Variants in MFN2 observed in about 807,000 individuals in gnomAD.
The protein encoded by MFN2 is mitofusin 2.
A neutral mutation model predicts 87.5 loss-of-function variants in MFN2; 43 were observed. That is an observed-to-expected ratio of 0.49 (90% CI 0.38 to 0.63). The LOEUF is 0.63. Ranked by LOEUF, MFN2 falls within the 30% of genes least tolerant of loss-of-function variation. The pLI is 0.00. For synonymous variants in MFN2, 337 were observed against 359.9 expected, an observed-to-expected ratio of 0.94 and a Z score of 0.72; for missense variants, 743 against 972.8, an observed-to-expected ratio of 0.76 and a Z score of 3.14.
At chr1:12,006,410 C>CT in intron 15 of MFN2, 128 bp from the exon 16 acceptor site, 1 of 1,264,476 alleles carries the variant, frequency 7.9e-7, no homozygotes, top group South Asian at 1.3e-5. Context: ...TAGTTGTCCC[C>CT]TTTTTGCCTT....
chr1:12,009,891 C>T (rs1051481062), intron 18 of MFN2, among the ~76,000 whole-genome samples, 165 bp downstream of exon 18: 2 of 152,168 alleles, frequency 1.3e-5, no homozygotes, highest in Non-Finnish European at 2.9e-5. Flanking sequence ...CGGTGGCTGA[C>T]GCCTATAATC....
In MFN2 at chr1:12,004,716, C is replaced by A; in HGVS notation, c.1392+103C>A. 1 of 1,495,554 alleles carries A rather than the reference C, an allele frequency of 6.7e-7. No homozygotes were observed. Among genetic ancestry groups the A allele is most frequent in the Non-Finnish European group, 9.3e-7 (1 of 1,074,572 alleles). The allele number at this position is 1,495,554 out of a possible 1,614,324, so 92.6% of individuals were successfully genotyped here. ...CCCCCAGCAGTGACAGTAGAAGCCA[C>A]AGAGACAAGGCCCAGGCTTCCGTCA... is the stretch of plus-strand genomic sequence containing the variant. On this transcript the variant is annotated intron_variant, in intron 13 of 18. Transcript: ENST00000235329. This position sits in a 1 kb window ranked among gnomAD's most constrained non-coding sequence, Gnocchi z 4.2.
At chr1:11,996,694 T>C (rs1394405597) in intron 5 of MFN2, among the ~76,000 whole-genome samples, 2 of 152,304 alleles carry the variant, frequency 1.3e-5, no homozygotes, top group Non-Finnish European at 2.9e-5. Flanking sequence ...CTGAGTTTTC[T>C]GAGAGGCAGC....
intron 6 of MFN2, 139 bp downstream of exon 6, chr1:11,997,560 T>C (rs1638967019): frequency 8.5e-7 from 1 of 1,179,090 alleles, no homozygotes; most frequent in Middle Eastern, 2.1e-4. Context: ...CTCAACCAAA[T>C]CCTCTGGCCT....
rs778905813 is a variant in MFN2 at position 12,004,562 on chromosome 1, T to C, written c.1341T>C (p.Asp447=). The stretch of plus-strand genomic sequence containing the variant: ...GGCGCCTCTCTGTACTGGTGGACGA[T>C]TACCAGATGGACTTCCACCCTTCTC... ...EIRRLSVLVD[D]YQMDFHPSPV... is the part of the protein sequence containing the mutation. The change falls in exon 13 of 19, where the codon GAT becomes GAC. Residue 447 remains aspartate (D), a synonymous_variant. Transcript: ENST00000235329. The surrounding 1 kb of genome is among the most constrained non-coding windows in gnomAD (Gnocchi z 4.2). The C allele has an allele frequency of 6.2e-7, 1 of 1,614,158 alleles. No homozygotes were observed. The highest frequency in any genetic ancestry group is 8.5e-7 in the Non-Finnish European group (1 of 1,180,032).
chr1:11,996,364 C>T, intron 5 of MFN2, 46 bp downstream of exon 5: 1 of 1,611,322 alleles, frequency 6.2e-7, no homozygotes, highest in Non-Finnish European at 8.5e-7. Flanking sequence ...GCTGGGGGAG[C>T]AAGTCCTCCG....
intron 18 of MFN2, 43 bp from the exon 19 acceptor site, chr1:12,011,453 T>A: frequency 6.2e-7 from 1 of 1,607,702 alleles, no homozygotes; most frequent in Non-Finnish European, 8.5e-7. Flanking sequence ...TAATACTGCC[T>A]ATCATCAGCT....
chr1:12,011,474 C>A (rs372959906), intron 18 of MFN2, 22 bp from the exon 19 acceptor site: 2 of 1,613,572 alleles, frequency 1.2e-6, no homozygotes, highest in Non-Finnish European at 1.7e-6. Flanking sequence ...ATCATGGTTA[C>A]AAAAGAACCA....
chr1:11,995,131 T>C (rs916208758), intron 4 of MFN2, among the ~76,000 whole-genome samples: 4 of 151,906 alleles, frequency 2.6e-5, no homozygotes, highest in African/African-American at 7.3e-5. Flanking sequence ...TATATATAGG[T>C]GGTACCTATA....
intron 17 of MFN2, among the ~76,000 whole-genome samples, chr1:12,007,662 CT>C (rs906077817): frequency 4.6e-5 from 7 of 151,932 alleles, no homozygotes; most frequent in African/African-American, 1.5e-4. Context: ...TCCTCGCTTC[CT>C]TTTTTTTATT....
At chr1:12,007,024 G>A in intron 16 of MFN2, 29 bp from the exon 17 acceptor site, 1 of 1,612,278 alleles carries the variant, frequency 6.2e-7, no homozygotes, top group Non-Finnish European at 8.5e-7. Context: ...CAGAGAGGCT[G>A]CACTCCAGGC....
intron 6 of MFN2, among the ~76,000 whole-genome samples, chr1:11,997,674 G>T (rs1170564104): frequency 6.6e-6 from 1 of 152,130 alleles, no homozygotes; most frequent in Non-Finnish European, 1.5e-5. Flanking sequence ...AAAAGTTGGT[G>T]GGGGAGGTTC....
chr1:11,988,420 T>TTA, intron 2 of MFN2, among the ~76,000 whole-genome samples: 1 of 150,604 alleles, frequency 6.6e-6, no homozygotes, highest in East Asian at 2.0e-4. Flanking sequence ...TTTTTTTTTT[T>TTA]AAATAGAGAC....
At chr1:11,999,702 A>G (rs761261518) in intron 8 of MFN2, among the ~76,000 whole-genome samples, 1 of 152,060 alleles carries the variant, frequency 6.6e-6, no homozygotes, top group Admixed American at 6.6e-5. Context: ...AAGGGTAACA[A>G]ACGGCATGGT....
chr1:11,983,319 C>T (rs569133460), intron 2 of MFN2, among the ~76,000 whole-genome samples: 1 of 152,304 alleles, frequency 6.6e-6, no homozygotes, highest in African/African-American at 2.4e-5. Context: ...GATCTACCCA[C>T]CTCGGCCTCC....
Position 12,012,056 on chromosome 1 carries a change from G to A in MFN2, c.*491G>A, listed in dbSNP as rs1639720516. ...GTCCCAGAAGGACTGTGGCTTGTGT[G>A]TGTCCATCTCGCCTGTTGGCTCAGT... On this transcript the variant is annotated 3_prime_UTR_variant, in exon 19 of 19. Coordinates refer to ENST00000235329, the MANE Select transcript of MFN2 (RefSeq NM_014874.4). The A allele has an allele frequency of 5.3e-6, 1 of 187,740 alleles. No homozygotes were observed. The highest frequency in any genetic ancestry group is 2.3e-5 in the African/African-American group (1 of 43,072). The allele number at this position is 187,740 out of a possible 1,614,324, so 11.6% of individuals were successfully genotyped here. A position where few individuals can be genotyped will look rare whatever the true frequency, so the allele number is the denominator to read the frequency against.
intron 2 of MFN2, among the ~76,000 whole-genome samples, chr1:11,985,096 C>T (rs561428382): frequency 1.5e-3 from 233 of 152,014 alleles, no homozygotes; most frequent in Non-Finnish European, 2.8e-3. Context: ...GGGACTGAGC[C>T]CTCAACCTGT....
intron 4 of MFN2, among the ~76,000 whole-genome samples, chr1:11,994,837 C>T (rs1638841789): frequency 6.6e-6 from 1 of 152,166 alleles, no homozygotes; most frequent in Non-Finnish European, 1.5e-5. Flanking sequence ...TGTAGTTCTG[C>T]TCTAGTGATA....
chr1:11,996,419 C>A, intron 5 of MFN2, 101 bp downstream of exon 5: 1 of 1,402,736 alleles, frequency 7.1e-7, no homozygotes, highest in Non-Finnish European at 9.9e-7. Flanking sequence ...GCAGCACCAC[C>A]CTGTGGAGGT....
Sources: allele counts gnomAD v4.1 joint callset (sites outside exome capture counted in the v4.1 genomes callset), GRCh38; gene constraint gnomAD v4.1.1; non-coding constraint Gnocchi (gnomAD v3.1); transcripts MANE v1.5; gene names NCBI Gene and HGNC (gene_info 2026-07-23, HGNC 2026-07-21).